KCNN3: variants seen among roughly 807,000 people sequenced by gnomAD.
KCNN3 encodes small conductance calcium-activated potassium channel protein 3.
A neutral mutation model predicts 62.9 loss-of-function variants in KCNN3; 16 were observed. The ratio of observed to expected loss-of-function variants is 0.25; its 90% CI spans 0.17 to 0.39. The LOEUF (loss-of-function observed/expected upper bound fraction) is 0.39. Among genes scored for constraint, KCNN3 ranks in the 10% least tolerant of loss-of-function variants. The probability of loss-of-function intolerance (pLI) is 1.00; values close to 1 mark genes in which losing one functional copy is unlikely to be tolerated. For synonymous variants in KCNN3, 370 were observed against 389.2 expected (o/e 0.95, Z 0.58); for missense variants, 599 against 949.4 (o/e 0.63, Z 4.85).
At chr1:154,743,859 A>G (rs145204720) in intron 3 of KCNN3, among the ~76,000 whole-genome samples, 1 of 152,272 alleles carries the variant, frequency 6.6e-6, no homozygotes, top group East Asian at 1.9e-4. Flanking sequence ...TGCATTTTCA[A>G]CTTATGATAT....
rs2101745263 is a variant in KCNN3, at chr1:154,700,258, TG to T, written c.*7717del. The T allele has an allele frequency of 6.6e-6, 1 of 152,358 alleles. No homozygotes were observed. Among genetic ancestry groups the T allele is most frequent in the African/African-American group, 2.4e-5 (1 of 41,550 alleles). 9.4% of individuals were successfully genotyped at this position (152,358 alleles called of 1,614,324 possible). ...CAATTCTGATGAAGAAGGTTTGATG[TG>T]GGGCCTGAGATTCTGCATTTCTAAC... is the stretch of plus-strand genomic sequence containing the variant. On this transcript the variant is annotated 3_prime_UTR_variant, in exon 8 of 8. Coordinates refer to ENST00000271915, the MANE Select transcript of KCNN3 (RefSeq NM_002249.6).
At chr1:154,731,503 G>A (rs1235247880) in intron 4 of KCNN3, among the ~76,000 whole-genome samples, 2 of 152,208 alleles carry the variant, frequency 1.3e-5, no homozygotes, top group African/African-American at 4.8e-5. Flanking sequence ...ACCAATATCA[G>A]CCCCAGGAAG....
chr1:154,820,361 G>A (rs958004869), intron 2 of KCNN3, among the ~76,000 whole-genome samples: 2 of 152,252 alleles, frequency 1.3e-5, no homozygotes, highest in African/African-American at 2.4e-5. Context: ...GTGTGGGGTT[G>A]AGGCTGAGAA....
chr1:154,759,233 G>A lies in KCNN3; in HGVS notation c.1448+12742C>T, dbSNP rs1647887849. On this transcript the variant is annotated intron_variant, in intron 3 of 7. Transcript: ENST00000271915. ...GTGGAGGGCAGGGGAAACACAGGGG[G>A]GTGAAGAGCTGCGCTCCTGAGAGCC... Among the ~76,000 whole-genome samples the A allele has an allele frequency of 2.6e-5, 4 of 152,242 alleles. No homozygotes were observed. The South Asian group carries it at 8.3e-4, about 31-fold the overall frequency.
At chr1:154,830,792 A>C (rs1455509637) in intron 1 of KCNN3, among the ~76,000 whole-genome samples, 1 of 152,160 alleles carries the variant, frequency 6.6e-6, no homozygotes, top group Non-Finnish European at 1.5e-5. Flanking sequence ...ACACCAATTA[A>C]GAGAAAATGA....
chr1:154,799,514 G>A (rs1168362041), intron 2 of KCNN3, among the ~76,000 whole-genome samples: 1 of 152,184 alleles, frequency 6.6e-6, no homozygotes, highest in Admixed American at 6.5e-5. Flanking sequence ...ACGAGGGCAG[G>A]CTGACCCGCT....
intron 2 of KCNN3, among the ~76,000 whole-genome samples, chr1:154,814,311 T>A (rs1650564872): frequency 6.6e-6 from 1 of 152,244 alleles, no homozygotes. Context: ...GAATAGCACC[T>A]ACTATGTGCT....
chr1:154,818,936 G>T (rs1650779883), intron 2 of KCNN3, among the ~76,000 whole-genome samples: 1 of 152,216 alleles, frequency 6.6e-6, no homozygotes, highest in South Asian at 2.1e-4. Flanking sequence ...CAAGGCTGGG[G>T]AAGACGGGGA....
At chr1:154,857,638 G>A (rs1004934619) in intron 1 of KCNN3, among the ~76,000 whole-genome samples, 6 of 152,182 alleles carry the variant, frequency 3.9e-5, no homozygotes, top group Admixed American at 6.5e-5. Context: ...TGAGGGCGTC[G>A]GAGACACTCC....
At position 154,869,103 on chromosome 1, in the gene KCNN3, G is replaced by A. The variant is rs1318600047; in HGVS notation, c.862C>T (p.Leu288=). The A allele has an allele frequency of 1.3e-5, 21 of 1,614,126 alleles. No individual in the cohort carries two copies. Among genetic ancestry groups the A allele is most frequent in the Non-Finnish European group, 1.8e-5 (21 of 1,180,022 alleles). ...ACAATTCCAAACATCCCAAAAATCA[G>A]AGCATAGTCACTCAGTCGCTTTCTC... The part of the protein sequence containing the change: ...EKRKRLSDYA[L]IFGMFGIVVM... The change falls in exon 1 of 8, where the codon CTG becomes TTG. Residue 288 remains leucine (L), a synonymous_variant. Coordinates refer to ENST00000271915, the MANE Select transcript of KCNN3 (RefSeq NM_002249.6). This position sits in a 1 kb window ranked among gnomAD's most constrained non-coding sequence, Gnocchi z 6.1.
Position 154,732,906 on chromosome 1 carries a change from C to T in KCNN3, c.1590+97G>A, listed in dbSNP as rs149153701. On this transcript the variant is annotated intron_variant, in intron 4 of 7. Coordinates refer to ENST00000271915, the MANE Select transcript of KCNN3 (RefSeq NM_002249.6). ...GGTCGGTTAACTAACAGCCACCCCC[C>T]GCTCTGCGGCTAGGAAGGCCCCTAT... 6,633 of 1,395,990 alleles carry T rather than the reference C, an allele frequency of 4.8e-3. 19 individuals carry two copies. Among genetic ancestry groups the T allele is most frequent in the Non-Finnish European group, 6.1e-3 (5,976 of 984,032 alleles). The allele number at this position is 1,395,990 out of a possible 1,614,324, so 86.5% of individuals were successfully genotyped here. A position where few individuals can be genotyped will look rare whatever the true frequency, so the allele number is the denominator to read the frequency against.
chr1:154,751,630 T>C (rs537260102), intron 3 of KCNN3, among the ~76,000 whole-genome samples: 2 of 152,202 alleles, frequency 1.3e-5, no homozygotes, highest in African/African-American at 4.8e-5. Context: ...AGAGTAAGAA[T>C]GGCAACACTC....
chr1:154,785,589 T>C (rs1159927510), intron 2 of KCNN3, among the ~76,000 whole-genome samples: 1 of 145,214 alleles, frequency 6.9e-6, no homozygotes, highest in African/African-American at 2.6e-5. Context: ...TTTTTTTTTT[T>C]TTTTTTTTTT....
At chr1:154,860,927 G>A (rs923946307) in intron 1 of KCNN3, among the ~76,000 whole-genome samples, 1 of 149,868 alleles carries the variant, frequency 6.7e-6, no homozygotes, top group African/African-American at 2.5e-5. Context: ...TTCCCAGAGC[G>A]CCCATCACTG....
chr1:154,728,418 G>A (rs1228202252), intron 4 of KCNN3, among the ~76,000 whole-genome samples: 2 of 152,136 alleles, frequency 1.3e-5, no homozygotes, highest in East Asian at 3.8e-4. Flanking sequence ...TCCATTGACT[G>A]GATGTAATTA....
chr1:154,747,539 T>C (rs1001093599), intron 3 of KCNN3, among the ~76,000 whole-genome samples: 1 of 152,182 alleles, frequency 6.6e-6, no homozygotes, highest in African/African-American at 2.4e-5. Flanking sequence ...TATCCTGTGA[T>C]AATATCACTC....
Position 154,869,723 on chromosome 1 carries a change from G to GGTGGCTGCTGCTGCTGCTGCT in KCNN3, c.241_242insAGCAGCAGCAGCAGCAGCCAC (p.Gln80_Pro81insGlnGlnGlnGlnGlnGlnPro). The GGTGGCTGCTGCTGCTGCTGCT allele has an allele frequency of 7.5e-7, 1 of 1,326,234 alleles. No homozygotes were observed. Among genetic ancestry groups the GGTGGCTGCTGCTGCTGCTGCT allele is most frequent in the Middle Eastern group, 2.4e-4 (1 of 4,200 alleles). The allele number at this position is 1,326,234 out of a possible 1,614,324, so 82.2% of individuals were successfully genotyped here. A position where few individuals can be genotyped will look rare whatever the true frequency, so the allele number is the denominator to read the frequency against. On this transcript the variant is annotated inframe_insertion, in exon 1 of 8. Transcript: ENST00000271915. The surrounding 1 kb of genome is among the most constrained non-coding windows in gnomAD (Gnocchi z 6.1). Reference sequence around the variant, plus strand: ...GGCGAGCTGAGACAGGGGATGCGGTGGCTGCTGCTGCTGCTGCTGCTGCTG... The same window carrying GGTGGCTGCTGCTGCTGCTGCT: ...GGCGAGCTGAGACAGGGGATGCGGTGGTGGCTGCTGCTGCTGCTGCTGCTGCTGCTGCTGCTGCTGCTGCTG...
intron 2 of KCNN3, among the ~76,000 whole-genome samples, chr1:154,783,820 C>A (rs1649164613): frequency 6.6e-6 from 1 of 152,158 alleles, no homozygotes; most frequent in Admixed American, 6.5e-5. Flanking sequence ...AGATCAGGAG[C>A]ATGTGGCGTT....
intron 6 of KCNN3, among the ~76,000 whole-genome samples, chr1:154,714,439 G>T (rs1700175374): frequency 5.1e-5 from 2 of 39,522 alleles, no homozygotes; most frequent in Admixed American, 6.0e-4. Context: ...GGTGTGTGGG[G>T]GGTGTGTGTG....
Sources: gnomAD v4.1 joint callset for allele counts (sites outside exome capture counted in the v4.1 genomes callset) on GRCh38, gnomAD v4.1.1 for gene constraint, Gnocchi (gnomAD v3.1) non-coding constraint, MANE v1.5 for transcripts, NCBI Gene and HGNC (gene_info 2026-07-23, HGNC 2026-07-21) for gene names.